The following CEP112 variants were observed in gnomAD, a reference collection of about 807,000 sequenced individuals.
CEP112 encodes the protein centrosomal protein of 112 kDa.
A neutral mutation model predicts 153.0 loss-of-function variants in CEP112; 127 were observed. The observed-to-expected ratio is 0.83, with a 90% CI of 0.72 to 0.96. The LOEUF is 0.96. Among genes scored for constraint, CEP112 ranks in the 40% least tolerant of loss-of-function variants. The pLI is 0.00. For synonymous variants in CEP112, 358 were observed against 374.4 expected, an observed-to-expected ratio of 0.96 and a Z score of 0.51; for missense variants, 1,089 against 1,101.2, an observed-to-expected ratio of 0.99 and a Z score of 0.16.
intron 9 of CEP112, 94 bp downstream of exon 9, chr17:66,069,821 G>A (rs547464485): frequency 7.6e-5 from 51 of 667,956 alleles, no homozygotes; most frequent in African/African-American, 6.8e-4. Context: ...TGGATGGATG[G>A]TTGGAAGAAT....
chr17:65,728,427 G>C (rs1006159529), intron 23 of CEP112, among the ~76,000 whole-genome samples: 1 of 152,186 alleles, frequency 6.6e-6, no homozygotes, highest in Non-Finnish European at 1.5e-5. Flanking sequence ...AGGGTTGCAA[G>C]AGAAACAACG....
At chr17:65,771,094 TG>T in intron 21 of CEP112, among the ~76,000 whole-genome samples, 1 of 152,174 alleles carries the variant, frequency 6.6e-6, no homozygotes, top group South Asian at 2.1e-4. Flanking sequence ...CTTATCACTG[TG>T]TTTTTAAAAA....
intron 19 of CEP112, among the ~76,000 whole-genome samples, chr17:65,921,942 T>C (rs1214004807): frequency 6.6e-6 from 1 of 152,024 alleles, no homozygotes; most frequent in Non-Finnish European, 1.5e-5. Flanking sequence ...TAATAGGGGG[T>C]ATAGAAAAAA....
At chr17:65,946,251 A>G (rs763763527) in intron 18 of CEP112, among the ~76,000 whole-genome samples, 6 of 152,286 alleles carry the variant, frequency 3.9e-5, no homozygotes, top group African/African-American at 7.2e-5. Context: ...ATCTTTATCT[A>G]TTCCCAACTA....
chr17:65,885,250 T>C (rs8072692), intron 20 of CEP112, among the ~76,000 whole-genome samples: 3,083 of 152,314 alleles, frequency 0.02, 120 homozygotes, highest in African/African-American at 0.071. Flanking sequence ...TTAAAAATTA[T>C]CACTTTTTAC....
intron 20 of CEP112, among the ~76,000 whole-genome samples, chr17:65,896,470 A>G (rs531339598): frequency 2.6e-4 from 39 of 152,150 alleles, no homozygotes; most frequent in Admixed American, 2.2e-3. Context: ...TTAAAGCAGC[A>G]TTTTCCTATA....
At chr17:65,944,278 A>G (rs914675202) in intron 18 of CEP112, among the ~76,000 whole-genome samples, 4 of 152,226 alleles carry the variant, frequency 2.6e-5, no homozygotes, top group African/African-American at 9.6e-5. Context: ...ATGTTTACCT[A>G]TGTCACACCT....
intron 17 of CEP112, among the ~76,000 whole-genome samples, chr17:66,001,579 A>G (rs12944518): frequency 0.41 from 62,505 of 152,062 alleles, 14,307 homozygotes; most frequent in East Asian, 0.87. Context: ...TTGTAAAAAC[A>G]GAGTTTGAAA....
chr17:66,034,119 G>A (rs997098394), intron 12 of CEP112, among the ~76,000 whole-genome samples: 1 of 151,972 alleles, frequency 6.6e-6, no homozygotes, highest in African/African-American at 2.4e-5. Context: ...ATATACCAAG[G>A]CACTACTGTA....
chr17:65,726,165 C>T (rs1199587835), intron 23 of CEP112, among the ~76,000 whole-genome samples: 1 of 151,796 alleles, frequency 6.6e-6, no homozygotes, highest in East Asian at 1.9e-4. Context: ...ATGGTGAAAC[C>T]CCGTCTCTAC....
At chr17:65,764,284 C>G (rs1475144177) in intron 21 of CEP112, among the ~76,000 whole-genome samples, 1 of 152,202 alleles carries the variant, frequency 6.6e-6, no homozygotes, top group Non-Finnish European at 1.5e-5. Flanking sequence ...GTCTAAAGCA[C>G]AATTCAATGT....
At chr17:66,080,926 A>G (rs2067691307) in intron 8 of CEP112, among the ~76,000 whole-genome samples, 1 of 151,890 alleles carries the variant, frequency 6.6e-6, no homozygotes, top group South Asian at 2.1e-4. Flanking sequence ...AAAACCAAAT[A>G]CTGCATGTTC....
chr17:65,972,713 T>C (rs966378144), intron 17 of CEP112, among the ~76,000 whole-genome samples: 17 of 152,336 alleles, frequency 1.1e-4, no homozygotes, highest in African/African-American at 3.8e-4. Flanking sequence ...AGATTTTATA[T>C]GTGTTAAAAG....
intron 21 of CEP112, among the ~76,000 whole-genome samples, chr17:65,777,636 T>C (rs527899320): frequency 6.6e-6 from 1 of 152,168 alleles, no homozygotes; most frequent in African/African-American, 2.4e-5. Flanking sequence ...GAAGTTCTCC[T>C]CCCCTTCATG....
intron 24 of CEP112, among the ~76,000 whole-genome samples, chr17:65,685,481 C>T (rs1409829741): frequency 6.6e-6 from 1 of 152,026 alleles, no homozygotes; most frequent in Non-Finnish European, 1.5e-5. Context: ...AGAAGATAGT[C>T]CTCAGGGGCT....
intron 12 of CEP112, among the ~76,000 whole-genome samples, chr17:66,049,279 T>A (rs17626814): frequency 0.41 from 62,461 of 151,832 alleles, 14,311 homozygotes; most frequent in East Asian, 0.87. Flanking sequence ...GTCCAAAATA[T>A]CTAGATACCT....
chr17:65,890,902 C>T (rs1392912437), intron 20 of CEP112, among the ~76,000 whole-genome samples: 6 of 152,150 alleles, frequency 3.9e-5, no homozygotes, highest in Middle Eastern at 3.2e-3. Flanking sequence ...TCCTATACCA[C>T]GCAGCCTTTG....
At chr17:66,054,547 G>A (rs969371624) in intron 11 of CEP112, among the ~76,000 whole-genome samples, 4 of 152,132 alleles carry the variant, frequency 2.6e-5, no homozygotes, top group Non-Finnish European at 4.4e-5. Context: ...GGAAAACAAA[G>A]GCAAATACAG....
In CEP112 at chr17:66,183,180, A is replaced by C; in HGVS notation, c.106+14T>G. 1 of 1,505,664 alleles carries C rather than the reference A, an allele frequency of 6.6e-7. No homozygotes were observed. Among genetic ancestry groups the C allele is most frequent in the Non-Finnish European group, 9.0e-7 (1 of 1,108,100 alleles). 93.3% of individuals were successfully genotyped at this position (1,505,664 alleles called of 1,614,324 possible). A position where few individuals can be genotyped will look rare whatever the true frequency, so the allele number is the denominator to read the frequency against. On this transcript the variant is annotated intron_variant, in intron 2 of 26. Transcript: ENST00000535342. ...AATTAATCTTAAGAATCTAATCTTC[A>C]AACATAATCTTACCTGTCCTATGAG... is the stretch of plus-strand genomic sequence containing the variant.
Sources: gnomAD v4.1 joint callset for allele counts (sites outside exome capture counted in the v4.1 genomes callset) on GRCh38, gnomAD v4.1.1 for gene constraint, MANE v1.5 for transcripts, NCBI Gene and HGNC (gene_info 2026-07-23, HGNC 2026-07-21) for gene names.